TJP2: variants seen among roughly 807,000 people sequenced by gnomAD.
TJP2 encodes tight junction protein 2, also known as Friedreich ataxia region gene X104 (tight junction protein ZO-2).
TJP2 carries 91 observed loss-of-function variants against 133.1 expected under a neutral mutation model. The ratio of observed to expected loss-of-function variants is 0.68; its 90% confidence interval spans 0.58 to 0.81. TJP2 has a LOEUF of 0.81. TJP2 is among the 40% of genes least tolerant of loss of function. The pLI is 0.00. For synonymous variants in TJP2, 592 were observed against 583.4 expected, an observed-to-expected ratio of 1.01 and a Z score of -0.21; for missense variants, 1,541 against 1,565.6, an observed-to-expected ratio of 0.98 and a Z score of 0.26.
intron 3 of TJP2, among the ~76,000 whole-genome samples, chr9:69,217,963 T>G (rs1430688235): frequency 6.6e-6 from 1 of 152,176 alleles, no homozygotes. Flanking sequence ...TCCTTTTGTG[T>G]CCAGACCTCA....
chr9:69,216,443 G>A lies in TJP2; in HGVS notation c.219G>A (p.Gly73=), dbSNP rs1220158408. The change falls in exon 3 of 23, where the codon GGG becomes GGA. Residue 73 remains glycine, a synonymous_variant. Transcript: ENST00000377245. ...TCATTTCTGATGTGCTCCCGGGTGGGCCTGCTGATGGGCTGCTCCAGTGAG... is the reference window on the plus strand; with the variant it reads ...TCATTTCTGATGTGCTCCCGGGTGGACCTGCTGATGGGCTGCTCCAGTGAG... The part of the protein sequence containing the change: ...SIVISDVLPG[G]PADGLLQEND... The A allele has an allele frequency of 6.2e-7, 1 of 1,614,002 alleles. No individual in the cohort carries two copies. The highest frequency in any genetic ancestry group is 2.2e-5 in the East Asian group (1 of 44,898).
chr9:69,225,629 T>C (rs938569178), intron 6 of TJP2, among the ~76,000 whole-genome samples: 2 of 152,202 alleles, frequency 1.3e-5, no homozygotes, highest in African/African-American at 2.4e-5. Flanking sequence ...AAAAACTCCA[T>C]GAATATTTTC....
intron 1 of TJP2, among the ~76,000 whole-genome samples, chr9:69,128,500 A>AT (rs1306140715): frequency 7.0e-6 from 1 of 142,168 alleles, no homozygotes; most frequent in Non-Finnish European, 1.5e-5. Flanking sequence ...TTGAATATTT[A>AT]TTTTTTCATG....
Position 69,127,647 on chromosome 9 carries a change from C to G in TJP2, c.-131+5922C>G, listed in dbSNP as rs1230986865. Among the ~76,000 whole-genome samples, 4 of 75,830 alleles carry G rather than the reference C, an allele frequency of 5.3e-5. 2 individuals carry two copies. Among genetic ancestry groups the G allele is most frequent in the Non-Finnish European group, 1.2e-4 (4 of 33,122 alleles). 49.7% of individuals were successfully genotyped at this position (75,830 alleles called of 152,430 possible). ...CTTAGCTGGCTCCTGTCAATATTCC[C>G]CCTCTACCCCTGACCAGGGTACCAG... On this transcript the variant is annotated intron_variant, in intron 1 of 5. Coordinates refer to the TJP2 transcript ENST00000423935.
rs539769039 is a variant in TJP2 at position 69,245,971 on chromosome 9, C to T, written c.2567-719C>T. On this transcript the variant is annotated intron_variant, in intron 17 of 22. Coordinates refer to ENST00000377245, the MANE Select transcript of TJP2 (RefSeq NM_004817.4). Reference sequence around the variant, plus strand: ...TTCCACATTCATGAATTCAACTAGCCGTGTATAGGAAATATTTGAGGGGTA... The same window carrying T: ...TTCCACATTCATGAATTCAACTAGCTGTGTATAGGAAATATTTGAGGGGTA... Among the ~76,000 whole-genome samples the T allele has an allele frequency of 2.0e-5, 3 of 152,202 alleles. No individual in the cohort carries two copies. In the South Asian group the frequency reaches 6.2e-4, roughly 32 times the overall value.
chr9:69,201,398 G>A (rs1826981267), intron 1 of TJP2, among the ~76,000 whole-genome samples: 1 of 149,950 alleles, frequency 6.7e-6, no homozygotes, highest in Non-Finnish European at 1.5e-5. Context: ...TTTGCCCTGT[G>A]CTGTTCTTTG....
At chr9:69,229,087 A>G in intron 9 of TJP2, 97 bp from the exon 10 acceptor site, 1 of 1,150,658 alleles carries the variant, frequency 8.7e-7, no homozygotes, top group Non-Finnish European at 1.3e-6. Context: ...CATATGTGGC[A>G]TAGACTTACA....
intron 17 of TJP2, among the ~76,000 whole-genome samples, chr9:69,241,261 T>A (rs932178161): frequency 6.6e-6 from 1 of 152,222 alleles, no homozygotes; most frequent in African/African-American, 2.4e-5. Context: ...AATGATTAAT[T>A]CTGTGCATAT....
At chr9:69,224,676 C>T (rs1829194817) in intron 5 of TJP2, among the ~76,000 whole-genome samples, 1 of 151,656 alleles carries the variant, frequency 6.6e-6, no homozygotes, top group Non-Finnish European at 1.5e-5. Flanking sequence ...GATTCTGTCT[C>T]AAAAAAAGAA....
At chr9:69,158,860 C>G (rs1382700702) in intron 2 of TJP2, among the ~76,000 whole-genome samples, 1 of 152,048 alleles carries the variant, frequency 6.6e-6, no homozygotes, top group Non-Finnish European at 1.5e-5. Context: ...GGTTTTGATT[C>G]TTCACTCATA....
chr9:69,227,927 T>A (rs993055501), intron 8 of TJP2, 54 bp downstream of exon 8: 63 of 1,613,536 alleles, frequency 3.9e-5, no homozygotes, highest in Non-Finnish European at 5.2e-5. Flanking sequence ...TACACACATA[T>A]GTATTTATGA....
At chr9:69,218,473 T>C (rs1828558123) in intron 4 of TJP2, 114 bp downstream of exon 4, 1 of 775,690 alleles carries the variant, frequency 1.3e-6, no homozygotes. Flanking sequence ...TAGGGACCGC[T>C]GTTCTTGGAT....
At chr9:69,242,890 G>A (rs893526895) in intron 17 of TJP2, among the ~76,000 whole-genome samples, 1 of 152,188 alleles carries the variant, frequency 6.6e-6, no homozygotes, top group Non-Finnish European at 1.5e-5. Flanking sequence ...TTGAGACATA[G>A]TCTCCCTCTG....
chr9:69,211,324 G>C (rs1356765687), intron 1 of TJP2, among the ~76,000 whole-genome samples: 3 of 152,196 alleles, frequency 2.0e-5, no homozygotes, highest in Non-Finnish European at 4.4e-5. Context: ...GCGACAGAAC[G>C]AGACTCCGTC....
intron 2 of TJP2, among the ~76,000 whole-genome samples, chr9:69,163,726 G>A (rs1824209013): frequency 6.6e-6 from 1 of 151,952 alleles, no homozygotes; most frequent in East Asian, 1.9e-4. Context: ...ATCCACCTCA[G>A]CCCTCCCAAA....
chr9:69,186,057 C>T (rs934301493), intron 1 of TJP2, among the ~76,000 whole-genome samples: 12 of 151,972 alleles, frequency 7.9e-5, no homozygotes, highest in Non-Finnish European at 1.2e-4. Flanking sequence ...TGTGAGCCGC[C>T]GCGCCCGGCC....
intron 1 of TJP2, among the ~76,000 whole-genome samples, chr9:69,181,135 T>C (rs1256821159): frequency 6.6e-6 from 1 of 152,086 alleles, no homozygotes; most frequent in Admixed American, 6.6e-5. Context: ...AAAAAAATTA[T>C]AGAATTTCAT....
chr9:69,234,676 C>A, intron 12 of TJP2, 129 bp downstream of exon 12: 2 of 661,732 alleles, frequency 3.0e-6, no homozygotes, highest in South Asian at 2.0e-5. Flanking sequence ...AACACCTAGT[C>A]CTTGGGCCCT....
chr9:69,213,149 C>T (rs1489646322), intron 2 of TJP2, among the ~76,000 whole-genome samples: 4 of 150,860 alleles, frequency 2.7e-5, no homozygotes, highest in Non-Finnish European at 4.4e-5. Flanking sequence ...GCGCAACCTC[C>T]GCCTCCCGGG....
Sources: gnomAD v4.1 joint callset for allele counts (sites outside exome capture counted in the v4.1 genomes callset) on GRCh38, gnomAD v4.1.1 for gene constraint, MANE v1.5 for transcripts, NCBI Gene and HGNC (gene_info 2026-07-23, HGNC 2026-07-21) for gene names.